CFAP299: variants seen among roughly 807,000 people sequenced by gnomAD.
CFAP299 encodes cilia- and flagella-associated protein 299.
CFAP299 carries 21 observed loss-of-function variants against 27.0 expected under a neutral mutation model. That is an observed-to-expected ratio of 0.78 (90% CI 0.55 to 1.12). The LOEUF (loss-of-function observed/expected upper bound fraction) is 1.12. CFAP299 is among the 50% of genes most tolerant of loss of function. The pLI, the probability that CFAP299 is intolerant of heterozygous loss-of-function variation, is 0.00. For missense variants in CFAP299, 310 were observed against 276.6 expected (o/e 1.12, Z -0.86); for synonymous variants, 104 against 98.1 (o/e 1.06, Z -0.36).
At chr4:80,852,079 A>C (rs536628253) in intron 3 of CFAP299, among the ~76,000 whole-genome samples, 32 of 152,262 alleles carry the variant, frequency 2.1e-4, no homozygotes, top group African/African-American at 7.7e-4. Flanking sequence ...ATAACTATTT[A>C]ATTATTAAAC....
At chr4:80,934,351 C>G (rs949597399) in intron 4 of CFAP299, among the ~76,000 whole-genome samples, 1 of 152,038 alleles carries the variant, frequency 6.6e-6, no homozygotes. Context: ...CTATGTTTAT[C>G]AGGGTTATTG....
chr4:80,631,624 A>G (rs1739208000), intron 3 of CFAP299, among the ~76,000 whole-genome samples: 1 of 152,118 alleles, frequency 6.6e-6, no homozygotes, highest in Non-Finnish European at 1.5e-5. Flanking sequence ...TTTGTCTCTT[A>G]CAACATTCAA....
chr4:80,960,892 A>C (rs1050269579), intron 5 of CFAP299, among the ~76,000 whole-genome samples: 1 of 151,874 alleles, frequency 6.6e-6, no homozygotes, highest in Non-Finnish European at 1.5e-5. Context: ...GACTCAAAAC[A>C]AACACATTCT....
intron 2 of CFAP299, among the ~76,000 whole-genome samples, chr4:80,448,365 A>T (rs904783248): frequency 6.6e-6 from 1 of 152,204 alleles, no homozygotes; most frequent in African/African-American, 2.4e-5. Flanking sequence ...CTATTTATAC[A>T]ATAGTAAGTT....
intron 4 of CFAP299, among the ~76,000 whole-genome samples, chr4:80,917,187 CT>C (rs1056343990): frequency 2.6e-5 from 4 of 151,746 alleles, no homozygotes; most frequent in East Asian, 3.9e-4. Context: ...AAGTTTGGGA[CT>C]TTTTTTTATG....
In CFAP299 at chr4:80,488,350, C is replaced by G. The variant is rs58571299; in HGVS notation, c.243-94743C>G. On this transcript the variant is annotated intron_variant, in intron 2 of 5. Coordinates refer to ENST00000358105, the MANE Select transcript of CFAP299 (RefSeq NM_152770.3). ...ATATGAGACTGAACCGTGATTGCAA[C>G]TGAGAAATTTTAGGCATCATCAACT... Among the ~76,000 whole-genome samples the G allele has an allele frequency of 3.6e-3, 542 of 152,116 alleles. 11 individuals carry two copies. The highest frequency in any genetic ancestry group is 0.026 in the East Asian group (133 of 5,170).
chr4:80,483,722 TCTC>T (rs895680178), intron 2 of CFAP299, among the ~76,000 whole-genome samples: 8 of 152,306 alleles, frequency 5.3e-5, no homozygotes, highest in Admixed American at 2.0e-4. Context: ...TTCCATGCCT[TCTC>T]CTTTTTGTTC....
intron 4 of CFAP299, among the ~76,000 whole-genome samples, chr4:80,894,735 C>G (rs1203021936): frequency 6.6e-6 from 1 of 151,834 alleles, no homozygotes. Context: ...ATTTGAACTC[C>G]TATGTTCATT....
intron 3 of CFAP299, among the ~76,000 whole-genome samples, chr4:80,659,238 T>C (rs6830979): frequency 0.046 from 6,919 of 151,864 alleles, 549 homozygotes; most frequent in African/African-American, 0.16. Context: ...CCAGAAAAGA[T>C]GAAATTATTC....
intron 2 of CFAP299, among the ~76,000 whole-genome samples, chr4:80,523,814 C>T (rs1340107964): frequency 6.6e-6 from 1 of 152,096 alleles, no homozygotes; most frequent in Non-Finnish European, 1.5e-5. Context: ...ACCACTCCCT[C>T]ATAATAAAAT....
chr4:80,541,947 A>G (rs80285561), intron 2 of CFAP299, among the ~76,000 whole-genome samples: 3,626 of 151,988 alleles, frequency 0.024, 124 homozygotes, highest in African/African-American at 0.067. Flanking sequence ...ATATCTCCCA[A>G]TGCTAAAACT....
At chr4:80,404,748 T>C (rs1156600119) in intron 2 of CFAP299, among the ~76,000 whole-genome samples, 1 of 152,236 alleles carries the variant, frequency 6.6e-6, no homozygotes, top group Admixed American at 6.5e-5. Context: ...TGGACATAGA[T>C]GTACAAATAT....
At chr4:80,321,333 T>C in the CFAP299 span, among the ~76,000 whole-genome samples, 7 of 152,202 alleles carry the variant, frequency 4.6e-5, no homozygotes, top group African/African-American at 1.4e-4. Flanking sequence ...CATTTTTTTT[T>C]CTTCTAGACA....
intron 2 of CFAP299, among the ~76,000 whole-genome samples, chr4:80,544,143 A>G (rs189628766): frequency 3.9e-5 from 6 of 152,344 alleles, no homozygotes; most frequent in Admixed American, 3.3e-4. Flanking sequence ...TCCATTTCAG[A>G]CAAGCAAATG....
At chr4:80,407,969 T>C (rs1368371960) in intron 2 of CFAP299, among the ~76,000 whole-genome samples, 1 of 152,236 alleles carries the variant, frequency 6.6e-6, no homozygotes, top group Non-Finnish European at 1.5e-5. Context: ...CATATTATTG[T>C]GTGCTGCTAT....
At chr4:80,325,374 CTT>C in the CFAP299 span, among the ~76,000 whole-genome samples, 2 of 152,164 alleles carry the variant, frequency 1.3e-5, no homozygotes, top group Non-Finnish European at 2.9e-5. Flanking sequence ...TTTATAACAA[CTT>C]TTCATTTTTA....
chr4:80,571,324 G>A (rs1348503962), intron 2 of CFAP299, among the ~76,000 whole-genome samples: 1 of 151,840 alleles, frequency 6.6e-6, no homozygotes, highest in Non-Finnish European at 1.5e-5. Context: ...CTTTTCATTT[G>A]GGCCTTTTTG....
upstream of CFAP299, among the ~76,000 whole-genome samples, chr4:80,332,243 G>A (rs1721969469): frequency 6.6e-6 from 1 of 152,188 alleles, no homozygotes; most frequent in Admixed American, 6.5e-5. Context: ...TGGAAGGTAA[G>A]GAAATGGAGA....
At chr4:80,763,750 A>G (rs1429935973) in intron 3 of CFAP299, among the ~76,000 whole-genome samples, 4 of 152,210 alleles carry the variant, frequency 2.6e-5, no homozygotes, top group Non-Finnish European at 5.9e-5. Context: ...ACTGGTACCA[A>G]AACAGATACA....
Sources: allele counts gnomAD v4.1 joint callset (sites outside exome capture counted in the v4.1 genomes callset), GRCh38; gene constraint gnomAD v4.1.1; transcripts MANE v1.5; gene names NCBI Gene and HGNC (gene_info 2026-07-23, HGNC 2026-07-21).